EYS: variants seen among roughly 807,000 people sequenced by gnomAD.
The protein encoded by EYS is EGF-like photoreceptor maintenance factor, also known as protein eyes shut homolog.
EYS carries 250 observed loss-of-function variants against 282.1 expected under a neutral mutation model. That is an observed-to-expected ratio of 0.89 (90% confidence interval 0.80 to 0.98). EYS has a LOEUF of 0.98. EYS is among the 50% of genes least tolerant of loss of function. The pLI, the probability that EYS is intolerant of heterozygous loss-of-function variation, is 0.00. For synonymous variants in EYS, 1,355 were observed against 1,282.9 expected (o/e 1.06, Z -1.20); for missense variants, 4,016 against 3,709.0 (o/e 1.08, Z -2.15).
intron 22 of EYS, among the ~76,000 whole-genome samples, chr6:64,704,994 A>T (rs1037015419): frequency 6.6e-6 from 1 of 151,436 alleles, no homozygotes; most frequent in Admixed American, 6.6e-5. Flanking sequence ...CAGAAAAGAT[A>T]AAAAAAAATA....
intron 11 of EYS, chr6:65,331,473 A>G (rs1769795448): frequency 1.1e-6 from 1 of 878,672 alleles, no homozygotes; most frequent in Non-Finnish European, 1.4e-6. Context: ...AGAGAAACTT[A>G]ATTTTATATA....
intron 5 of EYS, among the ~76,000 whole-genome samples, chr6:65,464,414 T>G (rs190507641): frequency 6.6e-6 from 1 of 152,298 alleles, no homozygotes; most frequent in South Asian, 2.1e-4. Context: ...TAGTGCATGA[T>G]AAGATATCTC....
At chr6:65,404,320 A>G (rs768266105) in intron 6 of EYS, among the ~76,000 whole-genome samples, 1 of 152,082 alleles carries the variant, frequency 6.6e-6, no homozygotes, top group African/African-American at 2.4e-5. Context: ...CCTTTGTTCC[A>G]TCTGCAATCT....
Position 65,115,545 on chromosome 6 carries a change from A to T in EYS, c.2024-57818T>A, listed in dbSNP as rs147426046. ...ACACTATGTTAAAGGGAGAAAATTT[A>T]AAAAATTTATATATTACATCTTATC... On this transcript the variant is annotated intron_variant, in intron 12 of 42. Transcript: ENST00000503581. Among the ~76,000 whole-genome samples the T allele has an allele frequency of 9.9e-5, 15 of 152,234 alleles. 2 individuals are homozygous for T. The highest frequency in any genetic ancestry group is 2.9e-4 in the African/African-American group (12 of 41,572).
chr6:64,819,456 G>A (rs114116195), intron 21 of EYS, among the ~76,000 whole-genome samples: 5,973 of 151,970 alleles, frequency 0.039, 159 homozygotes, highest in Non-Finnish European at 0.062. Context: ...CCCATATATA[G>A]AAATCTATTA....
chr6:65,096,789 A>G (rs1774751793), intron 12 of EYS, among the ~76,000 whole-genome samples: 1 of 151,054 alleles, frequency 6.6e-6, no homozygotes, highest in Admixed American at 6.6e-5. Context: ...GAAACTGGAT[A>G]TTTACATGCA....
rs187175819 is a variant in EYS, at chr6:65,260,536, A to T, written c.2023+35327T>A. On this transcript the variant is annotated intron_variant, in intron 12 of 42. Coordinates refer to ENST00000503581, the MANE Select transcript of EYS (RefSeq NM_001142800.2). ...TTTTCCATAAAGCTTTTCTTCTCTCATTAAAATTGTCTTTGTTTGAATTAT... is the reference window on the plus strand; with the variant it reads ...TTTTCCATAAAGCTTTTCTTCTCTCTTTAAAATTGTCTTTGTTTGAATTAT... 2.4e-4 allele frequency among the ~76,000 whole-genome samples: 37 copies of T among 152,156 alleles called. 1 individual carries two copies. In the East Asian group the frequency reaches 7.0e-3, roughly 29 times the overall value.
chr6:64,965,959 T>C (rs1197083587), intron 14 of EYS, among the ~76,000 whole-genome samples: 1 of 144,382 alleles, frequency 6.9e-6, no homozygotes, highest in African/African-American at 2.7e-5. Flanking sequence ...TGTGAGTGTG[T>C]GTGTGTGTGT....
At chr6:64,576,683 T>A (rs1765891602) in intron 26 of EYS, among the ~76,000 whole-genome samples, 1 of 152,096 alleles carries the variant, frequency 6.6e-6, no homozygotes, top group Admixed American at 6.6e-5. Flanking sequence ...TAATTTTATT[T>A]AAAAATAGTT....
intron 2 of EYS, among the ~76,000 whole-genome samples, chr6:65,620,267 C>G (rs1007846517): frequency 2.0e-5 from 3 of 152,072 alleles, no homozygotes; most frequent in Non-Finnish European, 2.9e-5. Flanking sequence ...TCAGCTTCTT[C>G]CTGGTTTAGT....
At chr6:63,772,960 TTTTC>T (rs1303370740) in intron 40 of EYS, among the ~76,000 whole-genome samples, 3 of 152,132 alleles carry the variant, frequency 2.0e-5, no homozygotes, top group Non-Finnish European at 4.4e-5. Context: ...TATTATCCCC[TTTTC>T]TTACATGTTT....
At chr6:63,962,078 C>G (rs1018647273) in intron 35 of EYS, among the ~76,000 whole-genome samples, 1 of 152,110 alleles carries the variant, frequency 6.6e-6, no homozygotes, top group Admixed American at 6.5e-5. Flanking sequence ...GAAACTGGAT[C>G]CCTTCCTTAC....
intron 40 of EYS, among the ~76,000 whole-genome samples, chr6:63,763,272 A>G (rs1205694642): frequency 6.6e-6 from 1 of 152,104 alleles, no homozygotes; most frequent in Non-Finnish European, 1.5e-5. Context: ...CTCAGCTGAA[A>G]GAGACACCTT....
At chr6:65,065,602 G>C (rs773661497) in intron 12 of EYS, among the ~76,000 whole-genome samples, 12 of 151,780 alleles carry the variant, frequency 7.9e-5, no homozygotes, top group Non-Finnish European at 1.5e-4. Context: ...AGCCAGGATG[G>C]TCTCAATTCC....
intron 31 of EYS, among the ~76,000 whole-genome samples, chr6:64,219,089 A>T (rs1337269642): frequency 1.3e-5 from 2 of 152,206 alleles, no homozygotes; most frequent in Non-Finnish European, 2.9e-5. Flanking sequence ...CCGCAATGAC[A>T]GAATGCATTT....
At chr6:65,630,635 A>C (rs958647533) in intron 2 of EYS, among the ~76,000 whole-genome samples, 22 of 152,234 alleles carry the variant, frequency 1.4e-4, no homozygotes, top group Middle Eastern at 3.2e-3. Context: ...ATATCTTGAA[A>C]ACTTGCAGAG....
At chr6:64,276,503 T>C (rs1768120000) in intron 30 of EYS, among the ~76,000 whole-genome samples, 1 of 152,206 alleles carries the variant, frequency 6.6e-6, no homozygotes, top group South Asian at 2.1e-4. Context: ...GGGATACTGC[T>C]ACTCTGAACT....
chr6:63,919,597 C>A (rs1764514176), intron 35 of EYS, among the ~76,000 whole-genome samples: 2 of 152,152 alleles, frequency 1.3e-5, no homozygotes, highest in Admixed American at 1.3e-4. Context: ...TCTCCCAGGC[C>A]AGCTCTTCTG....
intron 35 of EYS, among the ~76,000 whole-genome samples, chr6:63,967,722 G>T (rs549755147): frequency 6.6e-6 from 1 of 152,128 alleles, no homozygotes; most frequent in African/African-American, 2.4e-5. Context: ...GCAAAACAGA[G>T]GCTGCTTGTT....
Sources: gnomAD v4.1 joint callset for allele counts (sites outside exome capture counted in the v4.1 genomes callset) on GRCh38, gnomAD v4.1.1 for gene constraint, MANE v1.5 for transcripts, NCBI Gene and HGNC (gene_info 2026-07-23, HGNC 2026-07-21) for gene names.